Variants in HRH2 observed in about 807,000 individuals in gnomAD.
HRH2 encodes histamine H2 receptor.
In HRH2, 4 loss-of-function variants were observed where a neutral mutation model predicts 20.1. The observed-to-expected ratio is 0.20, with a 90% confidence interval of 0.10 to 0.45. HRH2 has a LOEUF of 0.45. Ranked by LOEUF, HRH2 falls within the 20% of genes least tolerant of loss-of-function variation. The probability of loss-of-function intolerance (pLI) is 0.99; values close to 1 mark genes in which losing one functional copy is unlikely to be tolerated. For missense variants in HRH2, 250 were observed against 461.6 expected, an observed-to-expected ratio of 0.54 and a Z score of 4.20; for synonymous variants, 197 against 200.7, an observed-to-expected ratio of 0.98 and a Z score of 0.16.
chr5:175,671,480 G>T (rs1383629384), intron 1 of HRH2, among the ~76,000 whole-genome samples: 1 of 152,204 alleles, frequency 6.6e-6, no homozygotes, highest in Admixed American at 6.5e-5. Flanking sequence ...CTGGTATCCA[G>T]TTCATGTGGC....
chr5:175,702,056 C>G (rs920911057), intron 2 of HRH2, among the ~76,000 whole-genome samples: 1 of 152,192 alleles, frequency 6.6e-6, no homozygotes, highest in African/African-American at 2.4e-5. Flanking sequence ...GCATGGGAAT[C>G]CCAGCTTGGT....
chr5:175,675,617 G>C (rs1755728598), intron 1 of HRH2, among the ~76,000 whole-genome samples: 1 of 152,118 alleles, frequency 6.6e-6, no homozygotes, highest in African/African-American at 2.4e-5. Flanking sequence ...TTTTATAAAG[G>C]GGCATCTGGA....
At chr5:175,696,161 G>A (rs1756569652) in intron 2 of HRH2, among the ~76,000 whole-genome samples, 1 of 152,260 alleles carries the variant, frequency 6.6e-6, no homozygotes, top group Non-Finnish European at 1.5e-5. Context: ...GGCATGAGTG[G>A]GCAGGGGCCT....
intron 1 of HRH2, among the ~76,000 whole-genome samples, chr5:175,674,860 A>G (rs1244992111): frequency 2.6e-5 from 4 of 152,226 alleles, no homozygotes; most frequent in Non-Finnish European, 5.9e-5. Context: ...ATGTCCTGCC[A>G]GGAAGGAGTT....
intron 2 of HRH2, among the ~76,000 whole-genome samples, chr5:175,702,776 G>C (rs1360406968): frequency 1.4e-5 from 2 of 144,892 alleles, no homozygotes; most frequent in African/African-American, 2.6e-5. Flanking sequence ...CACCATGTTA[G>C]CCAGGATGGT....
intron 1 of HRH2, among the ~76,000 whole-genome samples, chr5:175,676,128 T>TAC (rs1755751967): frequency 6.6e-6 from 1 of 152,240 alleles, no homozygotes; most frequent in African/African-American, 2.4e-5. Context: ...CGTGCACGTT[T>TAC]ACACTTCCCA....
chr5:175,677,033 T>G lies in HRH2; in HGVS notation c.-525-5676T>G, dbSNP rs1755783936. Among the ~76,000 whole-genome samples, 1 of 152,250 alleles carries G rather than the reference T, an allele frequency of 6.6e-6. No homozygotes were observed. Among genetic ancestry groups the G allele is most frequent in the Non-Finnish European group, 1.5e-5 (1 of 68,040 alleles). On this transcript the variant is annotated intron_variant, in intron 1 of 2. Coordinates refer to ENST00000636584, the MANE Select transcript of HRH2 (RefSeq NM_001367711.1). The surrounding 1 kb of genome is among the most constrained non-coding windows in gnomAD (Gnocchi z 4.2). ...TTTTTGAGGCAGGTTCTCACTCAGT[T>G]GCCCAGGCTGGAGTGCAGTGGCATG...
chr5:175,681,130 T>C lies in HRH2; in HGVS notation c.-525-1579T>C, dbSNP rs946654022. Among the ~76,000 whole-genome samples, 10 of 152,134 alleles carry C rather than the reference T, an allele frequency of 6.6e-5. No individual in the cohort carries two copies. The highest frequency in any genetic ancestry group is 2.4e-4 in the African/African-American group (10 of 41,424). ...ATAGGGATTCTCCAAAAAAATACCC[T>C]TATTGCTACCCCCTCCAAAGTTAAT... On this transcript the variant is annotated intron_variant, in intron 1 of 2. Coordinates refer to ENST00000636584, the MANE Select transcript of HRH2 (RefSeq NM_001367711.1). This position sits in a 1 kb window ranked among gnomAD's most constrained non-coding sequence, Gnocchi z 4.3.
chr5:175,667,781 T>C (rs963261918), intron 1 of HRH2, among the ~76,000 whole-genome samples: 1 of 152,192 alleles, frequency 6.6e-6, no homozygotes, highest in African/African-American at 2.4e-5. Context: ...TTTGAACATA[T>C]AGGTCATTCC....
chr5:175,685,611 C>G, intron 2 of HRH2: 1 of 754,856 alleles, frequency 1.3e-6, no homozygotes, highest in Non-Finnish European at 2.3e-6. Context: ...CTGGTCTCAG[C>G]TCTGCCGTCA....
chr5:175,704,286 A>T (rs542130155), intron 2 of HRH2, among the ~76,000 whole-genome samples: 1 of 152,178 alleles, frequency 6.6e-6, no homozygotes, highest in Non-Finnish European at 1.5e-5. Context: ...ATAATTCCTC[A>T]TGACCAAGTT....
chr5:175,673,473 A>G (rs1212525514), intron 1 of HRH2, among the ~76,000 whole-genome samples: 1 of 152,188 alleles, frequency 6.6e-6, no homozygotes, highest in Non-Finnish European at 1.5e-5. Flanking sequence ...TGCAGAAAAG[A>G]CAAGTCTACA....
At chr5:175,663,821 A>T (rs1230947915) in intron 1 of HRH2, among the ~76,000 whole-genome samples, 1 of 152,206 alleles carries the variant, frequency 6.6e-6, no homozygotes, top group Non-Finnish European at 1.5e-5. Context: ...GATCTTGAAG[A>T]ACTCCAGGTG....
At chr5:175,675,051 G>A (rs779395971) in intron 1 of HRH2, among the ~76,000 whole-genome samples, 21 of 152,202 alleles carry the variant, frequency 1.4e-4, no homozygotes, top group African/African-American at 3.6e-4. Context: ...GACAGACCTC[G>A]GTTCAAATCC....
intron 2 of HRH2, among the ~76,000 whole-genome samples, chr5:175,702,348 A>C (rs1427301064): frequency 6.6e-6 from 1 of 152,190 alleles, no homozygotes; most frequent in Non-Finnish European, 1.5e-5. Context: ...TACAGTGAAT[A>C]TAAATGGAAT....
intron 1 of HRH2, among the ~76,000 whole-genome samples, chr5:175,672,644 T>G (rs1294267098): frequency 2.6e-5 from 4 of 152,344 alleles, no homozygotes; most frequent in East Asian, 1.9e-4. Context: ...CAACTGAGTG[T>G]TAACAGATCC....
At chr5:175,704,648 T>A (rs1756887741) in intron 2 of HRH2, among the ~76,000 whole-genome samples, 1 of 152,052 alleles carries the variant, frequency 6.6e-6, no homozygotes, top group South Asian at 2.1e-4. Flanking sequence ...AACAAAACTA[T>A]TACTATTCAC....
intron 2 of HRH2, among the ~76,000 whole-genome samples, chr5:175,690,286 T>TG (rs1258428952): frequency 6.6e-6 from 1 of 152,146 alleles, no homozygotes; most frequent in East Asian, 1.9e-4. Context: ...CCTGGGGTGT[T>TG]GGAGGGTGGG....
At chr5:175,696,397 C>CT (rs375182722) in intron 2 of HRH2, among the ~76,000 whole-genome samples, 79 of 152,136 alleles carry the variant, frequency 5.2e-4, no homozygotes, top group African/African-American at 1.9e-3. Context: ...AGGGAGCCCC[C>CT]CACTTTGCCG....
Sources: allele counts gnomAD v4.1 joint callset (sites outside exome capture counted in the v4.1 genomes callset), GRCh38; gene constraint gnomAD v4.1.1; non-coding constraint Gnocchi (gnomAD v3.1); transcripts MANE v1.5; gene names NCBI Gene and HGNC (gene_info 2026-07-23, HGNC 2026-07-21).